The following LRRC69 variants were observed in gnomAD, a reference collection of about 807,000 sequenced individuals.
LRRC69 encodes the protein leucine rich repeat containing 69, also known as leucine-rich repeat-containing protein 69.
Under a neutral mutation model 37.8 loss-of-function variants are expected in LRRC69, and 42 were observed. The observed-to-expected ratio is 1.11, with a 90% CI of 0.87 to 1.44. LRRC69 has a LOEUF of 1.44. LRRC69 is among the 40% of genes most tolerant of loss of function. The pLI is 0.00. For synonymous variants in LRRC69, 141 were observed against 143.1 expected (o/e 0.99, Z 0.11); for missense variants, 357 against 401.9 (o/e 0.89, Z 0.96).
chr8:91,205,977 C>T (rs927875558), intron 7 of LRRC69, among the ~76,000 whole-genome samples: 1 of 152,308 alleles, frequency 6.6e-6, no homozygotes, highest in Non-Finnish European at 1.5e-5. Flanking sequence ...TTGAAGTCTT[C>T]ATGGCATTTA....
intron 7 of LRRC69, among the ~76,000 whole-genome samples, chr8:91,212,433 T>G (rs1012170479): frequency 2.6e-5 from 4 of 152,166 alleles, no homozygotes; most frequent in African/African-American, 9.6e-5. Flanking sequence ...GTAATGTAAT[T>G]AAAACTACCC....
chr8:91,183,671 C>G (rs757033003), intron 5 of LRRC69, among the ~76,000 whole-genome samples: 3 of 151,710 alleles, frequency 2.0e-5, no homozygotes, highest in Non-Finnish European at 2.9e-5. Context: ...CTGGGGAGCA[C>G]TATTTCATGA....
intron 5 of LRRC69, among the ~76,000 whole-genome samples, chr8:91,179,582 T>G (rs1234423226): frequency 6.6e-6 from 1 of 152,224 alleles, no homozygotes; most frequent in Non-Finnish European, 1.5e-5. Flanking sequence ...ACTACCCACT[T>G]TATTTTTTCC....
chr8:91,150,705 C>T (rs1159577184), intron 5 of LRRC69, among the ~76,000 whole-genome samples: 1 of 151,914 alleles, frequency 6.6e-6, no homozygotes, highest in Non-Finnish European at 1.5e-5. Context: ...GCTGTGAATC[C>T]ATCTGGTCCT....
In LRRC69 at chr8:91,158,329, G is replaced by T. The variant is rs569823641; in HGVS notation, c.651+22590G>T. 1.8e-5 allele frequency: 27 copies of T among 1,473,980 alleles called. No individual in the cohort carries two copies. The South Asian group carries it at 2.6e-4, about 14-fold the overall frequency. The allele number at this position is 1,473,980 out of a possible 1,614,324, so 91.3% of individuals were successfully genotyped here. On this transcript the variant is annotated intron_variant, in intron 5 of 7. Coordinates refer to ENST00000448384, the Ensembl canonical transcript of LRRC69. ...GAAAGAAACTGGAATTTACCCTTCT[G>T]TTTCTAGTTTTTGATGAGAATGAAT...
At chr8:91,158,257 C>T in intron 5 of LRRC69, 1 of 1,555,746 alleles carries the variant, frequency 6.4e-7, no homozygotes, top group Non-Finnish European at 8.9e-7. Context: ...GATTAATTGG[C>T]CCCCTGATTG....
intron 5 of LRRC69, among the ~76,000 whole-genome samples, chr8:91,174,717 T>C (rs1301953625): frequency 1.3e-5 from 2 of 152,228 alleles, no homozygotes; most frequent in Non-Finnish European, 2.9e-5. Context: ...TTGGGAGCTT[T>C]CACATCTGTG....
rs925022595 is a variant in LRRC69, at chr8:91,148,346, C to A, written c.651+12607C>A. Among the ~76,000 whole-genome samples the A allele has an allele frequency of 1.7e-4, 25 of 150,484 alleles. 1 individual carries two copies. In the Middle Eastern group the frequency reaches 0.021, roughly 125 times the overall value. ...GAACATGCAGTGTTTGGTTTTTTGT[C>A]CTTGTGATAGTCTGCTGAGAATGAT... On this transcript the variant is annotated intron_variant, in intron 5 of 7. Transcript: ENST00000448384.
At chr8:91,170,984 A>G (rs1229826349) in intron 5 of LRRC69, among the ~76,000 whole-genome samples, 1 of 146,788 alleles carries the variant, frequency 6.8e-6, no homozygotes, top group African/African-American at 2.5e-5. Flanking sequence ...ATGGGAGAAA[A>G]TTTTCGCAAC....
At chr8:91,171,545 T>G (rs1809132443) in intron 5 of LRRC69, among the ~76,000 whole-genome samples, 2 of 152,062 alleles carry the variant, frequency 1.3e-5, no homozygotes, top group Admixed American at 6.6e-5. Context: ...TGAGAAAATC[T>G]TAGAATCAGC....
In LRRC69 at chr8:91,157,930, GT is replaced by G. The variant is rs1586254171; in HGVS notation, c.651+22192del. ...AGTACAAGAAAGTTGTGTATCGGCAGTATACTGATTGCACGTTCCGTATTCC... is the reference window on the plus strand; with the variant it reads ...AGTACAAGAAAGTTGTGTATCGGCAGATACTGATTGCACGTTCCGTATTCC... On this transcript the variant is annotated intron_variant, in intron 5 of 7. Coordinates refer to ENST00000448384, the Ensembl canonical transcript of LRRC69. The G allele has an allele frequency of 2.6e-6, 4 of 1,514,286 alleles. No individual in the cohort carries two copies. In the East Asian group the frequency reaches 9.0e-5, roughly 34 times the overall value. The allele number at this position is 1,514,286 out of a possible 1,614,324, so 93.8% of individuals were successfully genotyped here. A position where few individuals can be genotyped will look rare whatever the true frequency, so the allele number is the denominator to read the frequency against.
chr8:91,110,468 C>T (rs1813390335), intron 1 of LRRC69, among the ~76,000 whole-genome samples: 1 of 151,954 alleles, frequency 6.6e-6, no homozygotes. Context: ...GGTGAAACCC[C>T]ATCTCTACTA....
chr8:91,149,261 A>G lies in LRRC69; in HGVS notation c.651+13522A>G, dbSNP rs890104534. 5.1e-4 allele frequency among the ~76,000 whole-genome samples: 78 copies of G among 151,974 alleles called. 1 individual carries two copies. The highest frequency in any genetic ancestry group is 3.1e-4 in the Non-Finnish European group (21 of 68,008). ...AATCCATTCTTGAATTAATTTTTGT[A>G]TAAGGTGTAAGGAAGGGATCCAGTT... On this transcript the variant is annotated intron_variant, in intron 5 of 7. Coordinates refer to ENST00000448384, the Ensembl canonical transcript of LRRC69.
At chr8:91,113,029 A>G (rs967799814) in intron 1 of LRRC69, among the ~76,000 whole-genome samples, 11 of 152,000 alleles carry the variant, frequency 7.2e-5, no homozygotes, top group Non-Finnish European at 1.6e-4. Flanking sequence ...AAAGATTTAT[A>G]CATGAAAAAT....
At chr8:91,112,950 A>T (rs1326613594) in intron 1 of LRRC69, among the ~76,000 whole-genome samples, 1 of 151,978 alleles carries the variant, frequency 6.6e-6, no homozygotes, top group Non-Finnish European at 1.5e-5. Flanking sequence ...CTGAAAAGGG[A>T]ATTAAAAAAT....
intron 5 of LRRC69, among the ~76,000 whole-genome samples, chr8:91,146,026 T>G (rs1411650375): frequency 6.6e-6 from 1 of 151,840 alleles, no homozygotes; most frequent in Non-Finnish European, 1.5e-5. Context: ...TTAGTTAACT[T>G]ACATAATTTG....
At chr8:91,196,737 T>G (rs1020778226) in intron 6 of LRRC69, among the ~76,000 whole-genome samples, 1 of 150,264 alleles carries the variant, frequency 6.7e-6, no homozygotes, top group African/African-American at 2.4e-5. Flanking sequence ...ATTCTAGTTA[T>G]ACATTCTTCT....
At position 91,122,316 on chromosome 8, in the gene LRRC69, T is replaced by C. The variant is rs866999453; in HGVS notation, c.184-2177T>C. Among the ~76,000 whole-genome samples the C allele has an allele frequency of 2.6e-5, 4 of 151,972 alleles. No homozygotes were observed. In the South Asian group the frequency reaches 6.2e-4, roughly 24 times the overall value. On this transcript the variant is annotated intron_variant, in intron 1 of 7. Coordinates refer to ENST00000448384, the Ensembl canonical transcript of LRRC69. ...GACCAATTTTTCCAGTATAATTACA[T>C]AGCAGACAAGCTTGGAAATTAGAAA...
intron 1 of LRRC69, among the ~76,000 whole-genome samples, chr8:91,121,408 C>T (rs1312520299): frequency 2.6e-5 from 4 of 152,042 alleles, no homozygotes; most frequent in African/African-American, 9.6e-5. Flanking sequence ...CCCAAGTATA[C>T]CTTTCCAACC....
Sources: gnomAD v4.1 joint callset for allele counts (sites outside exome capture counted in the v4.1 genomes callset) on GRCh38, gnomAD v4.1.1 for gene constraint, MANE v1.5 for transcripts, NCBI Gene and HGNC (gene_info 2026-07-23, HGNC 2026-07-21) for gene names.